The following CC2D2A variants were observed in gnomAD, a reference collection of about 807,000 sequenced individuals.
CC2D2A encodes the protein coiled-coil and C2 domain containing 2A.
A neutral mutation model predicts 212.9 loss-of-function variants in CC2D2A; 155 were observed. The ratio of observed to expected loss-of-function variants is 0.73; its 90% CI spans 0.64 to 0.83. CC2D2A has a LOEUF of 0.83. Ranked by LOEUF, CC2D2A falls within the 40% of genes least tolerant of loss-of-function variation. The probability of loss-of-function intolerance (pLI) is 0.00; values close to 1 mark genes in which losing one functional copy is unlikely to be tolerated. For synonymous variants in CC2D2A, 667 were observed against 686.5 expected (o/e 0.97, Z 0.44); for missense variants, 1,856 against 1,956.2 (o/e 0.95, Z 0.97).
At chr4:15,524,239 T>C (rs1717370538) in intron 11 of CC2D2A, among the ~76,000 whole-genome samples, 1 of 151,502 alleles carries the variant, frequency 6.6e-6, no homozygotes, top group East Asian at 1.9e-4. Flanking sequence ...GTTCAAGCAA[T>C]TCTCTGCCTC....
At chr4:15,539,827 C>A (rs1718328715) in intron 16 of CC2D2A, among the ~76,000 whole-genome samples, 1 of 152,080 alleles carries the variant, frequency 6.6e-6, no homozygotes. Flanking sequence ...ATACTTCTTG[C>A]AAATTTGCTG....
chr4:15,593,351 T>A (rs1280175035), intron 33 of CC2D2A, among the ~76,000 whole-genome samples: 1 of 152,226 alleles, frequency 6.6e-6, no homozygotes, highest in East Asian at 1.9e-4. Flanking sequence ...TACTGGCTTC[T>A]ACTTCTCTAT....
intron 8 of CC2D2A, among the ~76,000 whole-genome samples, chr4:15,513,200 A>G (rs1380731757): frequency 1.3e-5 from 2 of 152,338 alleles, no homozygotes; most frequent in Admixed American, 6.5e-5. Context: ...CAGGCCATTC[A>G]ACATTGCTTG....
intron 33 of CC2D2A, among the ~76,000 whole-genome samples, chr4:15,591,227 T>C (rs2148490135): frequency 1.3e-5 from 2 of 151,696 alleles, no homozygotes; most frequent in Middle Eastern, 3.4e-3. Context: ...CTATTTTTTT[T>C]TTTTTTTTTG....
At position 15,589,023 on chromosome 4, in the gene CC2D2A, C is replaced by G. The variant is rs1011062981; in HGVS notation, c.4180-522C>G. Among the ~76,000 whole-genome samples the G allele has an allele frequency of 4.2e-4, 64 of 152,078 alleles. No individual in the cohort carries two copies. In the East Asian group the frequency reaches 6.0e-3, roughly 14 times the overall value. On this transcript the variant is annotated intron_variant, in intron 32 of 36. Transcript: ENST00000424120. ...TCCAGAATACCTTGACAAGGGACTT[C>G]TACTTCCCCAACCCCCAATTCCACT...
intron 6 of CC2D2A, among the ~76,000 whole-genome samples, chr4:15,507,149 C>T (rs1269139455): frequency 6.6e-6 from 1 of 151,722 alleles, no homozygotes; most frequent in Non-Finnish European, 1.5e-5. Context: ...TCCTCAAAAA[C>T]ATTTAAAATA....
chr4:15,489,281 T>G (rs533296387), intron 4 of CC2D2A, among the ~76,000 whole-genome samples: 2 of 152,016 alleles, frequency 1.3e-5, no homozygotes, highest in Non-Finnish European at 2.9e-5. Context: ...GGGAGGGGAA[T>G]GTTATAAAGC....
At chr4:15,541,127 C>A in intron 17 of CC2D2A, 113 bp downstream of exon 17, 3 of 753,254 alleles carry the variant, frequency 4.0e-6, no homozygotes, top group South Asian at 2.6e-5. Context: ...GCCTGGCCAA[C>A]ATGGCAAAAC....
intron 6 of CC2D2A, 105 bp from the exon 7 acceptor site, chr4:15,510,034 A>G: frequency 1.3e-6 from 1 of 794,712 alleles, no homozygotes; most frequent in Non-Finnish European, 2.1e-6. Context: ...ATGCAGCAGC[A>G]GTCAGAAGAT....
chr4:15,593,076 A>C (rs1469634423), intron 33 of CC2D2A, among the ~76,000 whole-genome samples: 5 of 152,210 alleles, frequency 3.3e-5, no homozygotes, highest in African/African-American at 1.2e-4. Context: ...CTAACTAAAT[A>C]GTATCCCCAA....
At chr4:15,537,596 T>C (rs963884416) in intron 15 of CC2D2A, among the ~76,000 whole-genome samples, 1 of 152,178 alleles carries the variant, frequency 6.6e-6, no homozygotes, top group Non-Finnish European at 1.5e-5. Context: ...CCAAAATTAA[T>C]GATCACATGA....
At chr4:15,530,193 G>A (rs910915100) in intron 13 of CC2D2A, among the ~76,000 whole-genome samples, 1 of 152,082 alleles carries the variant, frequency 6.6e-6, no homozygotes, top group Non-Finnish European at 1.5e-5. Flanking sequence ...AGATGGTCTA[G>A]ATCTCCTGAC....
chr4:15,499,558 GAA>G (rs1203909734), intron 4 of CC2D2A, among the ~76,000 whole-genome samples: 1 of 152,146 alleles, frequency 6.6e-6, no homozygotes, highest in African/African-American at 2.4e-5. Context: ...TCTTTATTCA[GAA>G]GAGATAGTGT....
chr4:15,577,452 C>T (rs1255256971), intron 29 of CC2D2A, among the ~76,000 whole-genome samples: 1 of 152,140 alleles, frequency 6.6e-6, no homozygotes, highest in African/African-American at 2.4e-5. Context: ...TCATAAGTGA[C>T]CCAAATTCTT....
Position 15,557,524 on chromosome 4 carries a change from G to A in CC2D2A, c.2829+17G>A. The A allele has an allele frequency of 1.3e-6, 2 of 1,539,448 alleles. No homozygotes were observed. The highest frequency in any genetic ancestry group is 1.8e-6 in the Non-Finnish European group (2 of 1,131,262). ...GTATTCCAGGTAAGAAACTGCCATA[G>A]AGGGGTTAATAAAATAATAAAGTAC... On this transcript the variant is annotated intron_variant, in intron 21 of 36. Transcript: ENST00000424120.
chr4:15,474,580 CTA>C (rs1714050792), intron 1 of CC2D2A, among the ~76,000 whole-genome samples: 1 of 151,844 alleles, frequency 6.6e-6, no homozygotes, highest in African/African-American at 2.4e-5. Flanking sequence ...TTAAAAATAA[CTA>C]AAAGAGTATA....
At chr4:15,544,127 C>T (rs1718594591) in intron 17 of CC2D2A, among the ~76,000 whole-genome samples, 1 of 152,156 alleles carries the variant, frequency 6.6e-6, no homozygotes, top group South Asian at 2.1e-4. Context: ...TGCCCCTGAA[C>T]ACATTCACTT....
intron 9 of CC2D2A, 53 bp downstream of exon 9, chr4:15,514,922 T>C (rs998127996): frequency 2.0e-5 from 31 of 1,530,174 alleles, no homozygotes; most frequent in South Asian, 8.0e-5. Flanking sequence ...ACTTACCTTG[T>C]CATGAAATAT....
rs140849453 is a variant in CC2D2A, at chr4:15,552,344, A to C, written c.2339-814A>C. Reference sequence around the variant, plus strand: ...GGTGCTTGCACTTGTTCCTTCTGCCAGTAATGCTCTTTTCCAAAACAATAC... The same window carrying C: ...GGTGCTTGCACTTGTTCCTTCTGCCCGTAATGCTCTTTTCCAAAACAATAC... On this transcript the variant is annotated intron_variant, in intron 18 of 36. Transcript: ENST00000424120. 3.9e-5 allele frequency among the ~76,000 whole-genome samples: 6 copies of C among 152,282 alleles called. No homozygotes were observed. The East Asian group carries it at 1.2e-3, about 29-fold the overall frequency.
Sources: allele counts gnomAD v4.1 joint callset (sites outside exome capture counted in the v4.1 genomes callset), GRCh38; gene constraint gnomAD v4.1.1; transcripts MANE v1.5; gene names NCBI Gene and HGNC (gene_info 2026-07-23, HGNC 2026-07-21).